CLUAP1: variants seen among roughly 807,000 people sequenced by gnomAD.
CLUAP1 encodes the protein intraflagellar transport 38.
Under a neutral mutation model 55.0 loss-of-function variants are expected in CLUAP1, and 50 were observed. The observed-to-expected ratio is 0.91, with a 90% CI of 0.72 to 1.15. CLUAP1 has a LOEUF of 1.15. CLUAP1 is among the 50% of genes most tolerant of loss of function. The probability of loss-of-function intolerance (pLI) is 0.00; values close to 1 mark genes in which losing one functional copy is unlikely to be tolerated. For missense variants in CLUAP1, 530 were observed against 507.6 expected (o/e 1.04, Z -0.42); for synonymous variants, 195 against 175.4 (o/e 1.11, Z -0.88).
intron 1 of CLUAP1, among the ~76,000 whole-genome samples, chr16:3,503,426 G>T (rs574093114): frequency 1.4e-4 from 22 of 152,322 alleles, no homozygotes; most frequent in Admixed American, 1.0e-3. Flanking sequence ...GCCTCCCAGA[G>T]TGCTGGGATT....
Position 3,536,154 on chromosome 16 carries a change from A to AGATGAT in CLUAP1, c.1131_1136dup (p.Asp378_Asp379dup), listed in dbSNP as rs1184791334. 3.1e-6 allele frequency: 5 copies of AGATGAT among 1,614,088 alleles called. No individual in the cohort carries two copies. In the Admixed American group the frequency reaches 8.3e-5, roughly 27 times the overall value. ...CGGAGGAGAGTGAAATTGACATGGA[A>AGATGAT]GATGATGATGACGAGGATGACGATT... On this transcript the variant is annotated inframe_insertion, in exon 12 of 12. Coordinates refer to ENST00000576634, the MANE Select transcript of CLUAP1 (RefSeq NM_015041.3).
At chr16:3,500,968 C>T, upstream of CLUAP1, 1 of 1,273,416 alleles carries the variant, frequency 7.9e-7, no homozygotes, top group Non-Finnish European at 1.1e-6. Context: ...CGTGCGCCGT[C>T]CAAGGGTCCA....
intron 4 of CLUAP1, 36 bp downstream of exon 4, chr16:3,508,504 G>C: frequency 6.7e-7 from 1 of 1,500,804 alleles, no homozygotes; most frequent in Non-Finnish European, 8.8e-7. Context: ...GGGCGATGGA[G>C]CGTTGATTTC....
chr16:3,529,465 A>ATATTATATTATATATTATTATATATAAT, intron 9 of CLUAP1, among the ~76,000 whole-genome samples: 1 of 73,732 alleles, frequency 1.4e-5, no homozygotes, highest in Non-Finnish European at 2.3e-5. Context: ...TATATATAAT[A>ATATTATATTATATATTATTATATATAAT]TATATTATAT....
intron 7 of CLUAP1, among the ~76,000 whole-genome samples, chr16:3,521,424 G>GT (rs2037830048): frequency 3.3e-5 from 5 of 150,186 alleles, no homozygotes; most frequent in South Asian, 2.1e-4. Flanking sequence ...GATTTTTATG[G>GT]TTTTTTTTGT....
intron 5 of CLUAP1, among the ~76,000 whole-genome samples, chr16:3,514,571 TC>T (rs2037694558): frequency 6.6e-6 from 1 of 152,160 alleles, no homozygotes; most frequent in Non-Finnish European, 1.5e-5. Context: ...CAGGCTGCCG[TC>T]CCAAAACACA....
intron 7 of CLUAP1, among the ~76,000 whole-genome samples, chr16:3,521,893 A>G (rs1318857443): frequency 6.6e-6 from 1 of 150,642 alleles, no homozygotes; most frequent in Non-Finnish European, 1.5e-5. Flanking sequence ...CATCTCTACA[A>G]AAAAAAAATA....
intron 1 of CLUAP1, chr16:3,502,016 G>A (rs1257516094): frequency 1.3e-5 from 2 of 152,358 alleles, no homozygotes; most frequent in East Asian, 3.9e-4. Context: ...AGGTGGCACT[G>A]GGGCTTGAAT....
intron 9 of CLUAP1, among the ~76,000 whole-genome samples, chr16:3,529,516 AT>A (rs1286173361): frequency 6.1e-5 from 4 of 65,660 alleles, no homozygotes; most frequent in African/African-American, 2.0e-4. Context: ...ATATTATATA[AT>A]TATATATTAT....
intron 6 of CLUAP1, among the ~76,000 whole-genome samples, chr16:3,516,884 AG>A (rs2037738895): frequency 6.6e-6 from 1 of 152,154 alleles, no homozygotes; most frequent in Admixed American, 6.5e-5. Context: ...AAGAGTTCAA[AG>A]GAGGAAAGGG....
upstream of CLUAP1, among the ~76,000 whole-genome samples, chr16:3,500,360 T>A (rs1420045175): frequency 9.4e-5 from 14 of 149,326 alleles, 1 homozygote; most frequent in Non-Finnish European, 1.5e-5. Context: ...TTCCTGAGTA[T>A]AGTGCATTTT....
At position 3,504,873 on chromosome 16, in the gene CLUAP1, G is replaced by A. The variant is rs781397717; in HGVS notation, c.134+42G>A. On this transcript the variant is annotated intron_variant, in intron 2 of 11. Transcript: ENST00000576634. ...ATTGACATCTAAGAGTGAATACTGG[G>A]TTTTATTTATTAGTCATCTAGAAAA... 9 of 1,153,952 alleles carry A rather than the reference G, an allele frequency of 7.8e-6. No homozygotes were observed. The African/African-American group carries it at 1.4e-4, about 18-fold the overall frequency. The allele number at this position is 1,153,952 out of a possible 1,614,324, so 71.5% of individuals were successfully genotyped here. A position where few individuals can be genotyped will look rare whatever the true frequency, so the allele number is the denominator to read the frequency against.
In CLUAP1 at chr16:3,529,718, T is replaced by TAA. The variant is rs1209063055; in HGVS notation, c.929-850_929-849insAA. On this transcript the variant is annotated intron_variant, in intron 9 of 11. Coordinates refer to ENST00000576634, the MANE Select transcript of CLUAP1 (RefSeq NM_015041.3). ...ATTATATATTATATATTATATAATA[T>TAA]TATATATTATATATATTATTATATA... Among the ~76,000 whole-genome samples the TAA allele has an allele frequency of 5.7e-4, 13 of 22,882 alleles. 1 individual carries two copies. The highest frequency in any genetic ancestry group is 3.0e-3 in the African/African-American group (13 of 4,402). 15.0% of individuals were successfully genotyped at this position (22,882 alleles called of 152,430 possible). A position where few individuals can be genotyped will look rare whatever the true frequency, so the allele number is the denominator to read the frequency against.
intron 2 of CLUAP1, among the ~76,000 whole-genome samples, chr16:3,506,005 A>G (rs1247199094): frequency 6.6e-6 from 1 of 152,208 alleles, no homozygotes; most frequent in Non-Finnish European, 1.5e-5. Flanking sequence ...GAGCTGACTA[A>G]TCGGCCCTAG....
chr16:3,512,941 A>G (rs1178959977), intron 5 of CLUAP1, among the ~76,000 whole-genome samples: 2 of 152,072 alleles, frequency 1.3e-5, no homozygotes, highest in African/African-American at 2.4e-5. Context: ...TGGCCTCCCA[A>G]AGTGCTGGGA....
chr16:3,517,300 T>G (rs2037747014), intron 6 of CLUAP1, among the ~76,000 whole-genome samples: 1 of 151,866 alleles, frequency 6.6e-6, no homozygotes, highest in South Asian at 2.1e-4. Context: ...TTGTTTTATT[T>G]TATTTATTTA....
At chr16:3,501,216 C>A in intron 1 of CLUAP1, 127 bp downstream of exon 1, 1 of 961,192 alleles carries the variant, frequency 1.0e-6, no homozygotes, top group Admixed American at 2.4e-5. Flanking sequence ...GGCCTCTGCG[C>A]CTCAGGGACC....
At chr16:3,503,590 C>G (rs1010145235) in intron 1 of CLUAP1, among the ~76,000 whole-genome samples, 2 of 149,908 alleles carry the variant, frequency 1.3e-5, no homozygotes, top group African/African-American at 4.9e-5. Context: ...ACCACCCGCG[C>G]CTGGCCTTTT....
chr16:3,502,963 T>C (rs2037435708), intron 1 of CLUAP1, among the ~76,000 whole-genome samples: 1 of 152,164 alleles, frequency 6.6e-6, no homozygotes. Flanking sequence ...CCTTACTGTG[T>C]GAAGGAAAGG....
Sources: allele counts gnomAD v4.1 joint callset (sites outside exome capture counted in the v4.1 genomes callset), GRCh38; gene constraint gnomAD v4.1.1; transcripts MANE v1.5; gene names NCBI Gene and HGNC (gene_info 2026-07-23, HGNC 2026-07-21).